SPECC1L: variants seen among roughly 807,000 people sequenced by gnomAD.
SPECC1L encodes the protein cytospin-A.
Under a neutral mutation model 116.8 loss-of-function variants are expected in SPECC1L, and 40 were observed. The observed-to-expected ratio is 0.34, with a 90% confidence interval of 0.27 to 0.45. The LOEUF (loss-of-function observed/expected upper bound fraction) is 0.45, where lower values mean the gene tolerates loss of function less well. Ranked by LOEUF, SPECC1L falls within the 20% of genes least tolerant of loss-of-function variation. The pLI, the probability that SPECC1L is intolerant of heterozygous loss-of-function variation, is 1.00. For missense variants in SPECC1L, 1,110 were observed against 1,373.6 expected (o/e 0.81, Z 3.03); for synonymous variants, 504 against 500.6 (o/e 1.01, Z -0.09).
intron 4 of SPECC1L, among the ~76,000 whole-genome samples, chr22:24,314,734 A>C (rs2040527661): frequency 6.6e-6 from 1 of 152,234 alleles, no homozygotes; most frequent in African/African-American, 2.4e-5. Flanking sequence ...TTGGAGCCTT[A>C]TGGGACAGAT....
chr22:24,386,198 C>CA (rs920465415), intron 14 of SPECC1L, among the ~76,000 whole-genome samples: 5 of 151,626 alleles, frequency 3.3e-5, no homozygotes, highest in African/African-American at 9.7e-5. Flanking sequence ...AGGGCATCTA[C>CA]AAAAAATATT....
chr22:24,389,180 G>C (rs139062655), intron 14 of SPECC1L, among the ~76,000 whole-genome samples: 2 of 147,396 alleles, frequency 1.4e-5, no homozygotes, highest in African/African-American at 5.0e-5. Flanking sequence ...CCAATGGTGC[G>C]ATCTTGGCTT....
In SPECC1L at chr22:24,328,879, A is replaced by T; in HGVS notation, c.2180A>T (p.Asp727Val). ...AAAAAACTCCAGGACCAAAAGCACGACATGGAAAGAGAAATAAAGACACTC... is the reference window on the plus strand; with the variant it reads ...AAAAAACTCCAGGACCAAAAGCACGTCATGGAAAGAGAAATAAAGACACTC... ...TVKKLQDQKH[D>V]MEREIKTLHR... is the part of the protein sequence containing the mutation. The change falls in exon 7 of 17, where the codon GAC (aspartate) becomes GTC (valine). Residue 727 changes from aspartate (D) to valine (V), a missense_variant. By Grantham distance (152) the Asp-to-Val change is radical. Around this residue, in one of 4 missense-constraint regions of SPECC1L, gnomAD observed 575 missense variants for 682.4 expected, o/e 0.84. Transcript: ENST00000314328. 1 of 1,613,884 alleles carries T rather than the reference A, an allele frequency of 6.2e-7. No homozygotes were observed. Among genetic ancestry groups the T allele is most frequent in the Non-Finnish European group, 8.5e-7 (1 of 1,179,792 alleles).
rs2040737205 is a variant in SPECC1L at position 24,322,276 on chromosome 22, T to C, written c.1296T>C (p.Asn432=). ...TACAGCAGATTACCCAGGAACTGAATAGTGAAAACGAAAGGCTTGGAGAAG... is the reference window on the plus strand; with the variant it reads ...TACAGCAGATTACCCAGGAACTGAACAGTGAAAACGAAAGGCTTGGAGAAG... ...ADLQQITQEL[N]SENERLGEEK... The change falls in exon 5 of 17, where the codon AAT becomes AAC. Residue 432 remains asparagine (N), a synonymous_variant. Transcript: ENST00000314328. The C allele has an allele frequency of 1.2e-6, 2 of 1,614,058 alleles. No individual in the cohort carries two copies. The highest frequency in any genetic ancestry group is 1.7e-6 in the Non-Finnish European group (2 of 1,180,042).
In SPECC1L at chr22:24,302,258, C is replaced by T. The variant is rs759521657; in HGVS notation, c.27C>T (p.Gly9=). The T allele has an allele frequency of 6.2e-6, 10 of 1,613,940 alleles. No homozygotes were observed. The highest frequency in any genetic ancestry group is 8.5e-6 in the Non-Finnish European group (10 of 1,180,020). Residue 9 remains glycine, a synonymous_variant, in exon 3 of 17, where the codon GGC becomes GGT. Transcript: ENST00000314328. MKKASRSV[G]SVPKVSAISK... ...TGAAGAAAGCAAGCAGGAGTGTTGGCTCAGTGCCTAAAGTGTCTGCAATAA... is the reference window on the plus strand; with the variant it reads ...TGAAGAAAGCAAGCAGGAGTGTTGGTTCAGTGCCTAAAGTGTCTGCAATAA...
At chr22:24,321,020 T>C (rs929768559) in intron 4 of SPECC1L, among the ~76,000 whole-genome samples, 1 of 152,214 alleles carries the variant, frequency 6.6e-6, no homozygotes, top group African/African-American at 2.4e-5. Context: ...TTTGTAGAAA[T>C]GTAATTCACA....
In SPECC1L at chr22:24,313,354, G is replaced by T. The variant is rs1251042326; in HGVS notation, c.195G>T (p.Gly65=). 6.2e-7 allele frequency: 1 copy of T among 1,614,074 alleles called. No individual in the cohort carries two copies. Among genetic ancestry groups the T allele is most frequent in the Non-Finnish European group, 8.5e-7 (1 of 1,180,022 alleles). Residue 65 remains glycine (G), a synonymous_variant, in exon 4 of 17, where the codon GGG becomes GGT. Coordinates refer to ENST00000314328, the MANE Select transcript of SPECC1L (RefSeq NM_015330.6). ...ACCTTTTAGCTGGAATGGCCGGAGG[G>T]GTAACGGTGACTAATGGTGTTAAAG... ...SDDLLAGMAG[G]VTVTNGVKGK...
At position 24,417,071 on chromosome 22, in the gene SPECC1L, G is replaced by C. The variant is rs976756053; in HGVS notation, c.*2448G>C. The C allele has an allele frequency of 1.3e-5, 2 of 152,458 alleles. No individual in the cohort carries two copies. The highest frequency in any genetic ancestry group is 2.9e-5 in the Non-Finnish European group (2 of 68,040). 9.4% of individuals were successfully genotyped at this position (152,458 alleles called of 1,614,324 possible). On this transcript the variant is annotated 3_prime_UTR_variant, in exon 17 of 17. Coordinates refer to ENST00000314328, the MANE Select transcript of SPECC1L (RefSeq NM_015330.6). ...CATTTGGAGATGCTCTCAGTCCTGT[G>C]GCATCTGGCACGAAGTCTCCAAGAA...
intron 6 of SPECC1L, among the ~76,000 whole-genome samples, chr22:24,326,736 G>A (rs754773437): frequency 2.6e-5 from 4 of 152,218 alleles, no homozygotes; most frequent in Admixed American, 6.5e-5. Context: ...TCAAATTAAA[G>A]AGTAAATTTT....
rs369271427 is a variant in SPECC1L, at chr22:24,321,793, G to A, written c.813G>A (p.Leu271=). The part of the protein sequence containing the change: ...KNENRMLKDR[L]NALGFSLEQR... The stretch of plus-strand genomic sequence containing the variant: ...AAAACAGAATGTTAAAGGACAGGTT[G>A]AATGCATTGGGCTTTTCCCTAGAGC... Residue 271 remains leucine, a synonymous_variant, in exon 5 of 17, where the codon TTG becomes TTA. Transcript: ENST00000314328. 1.2e-6 allele frequency: 2 copies of A among 1,614,228 alleles called. No homozygotes were observed. The highest frequency in any genetic ancestry group is 2.2e-5 in the East Asian group (1 of 44,894).
chr22:24,348,895 T>A (rs960672283), intron 11 of SPECC1L, among the ~76,000 whole-genome samples: 11 of 152,206 alleles, frequency 7.2e-5, no homozygotes, highest in Non-Finnish European at 1.0e-4. Flanking sequence ...TCAGTCCTAA[T>A]CTGATGTGAC....
At chr22:24,379,401 A>G (rs1479636993) in intron 14 of SPECC1L, among the ~76,000 whole-genome samples, 1 of 151,490 alleles carries the variant, frequency 6.6e-6, no homozygotes. Context: ...AAAAAAAAAA[A>G]TTTACTTCCT....
chr22:24,349,626 A>G (rs1242008687), intron 11 of SPECC1L, among the ~76,000 whole-genome samples: 4 of 152,162 alleles, frequency 2.6e-5, no homozygotes, highest in Non-Finnish European at 2.9e-5. Context: ...CTTGTTCTAC[A>G]TGTAATCTGC....
intron 4 of SPECC1L, 37 bp from the exon 5 acceptor site, chr22:24,321,251 A>G: frequency 6.2e-7 from 1 of 1,610,204 alleles, no homozygotes. Flanking sequence ...TTTATTGCTG[A>G]CATTTTTGCC....
chr22:24,289,782 A>G (rs114834406), intron 2 of SPECC1L, among the ~76,000 whole-genome samples: 130 of 151,720 alleles, frequency 8.6e-4, no homozygotes, highest in African/African-American at 3.1e-3. Flanking sequence ...CTCTCTAACC[A>G]AAGTTTGTTT....
At chr22:24,280,577 ATTTT>A (rs34634285) in intron 2 of SPECC1L, among the ~76,000 whole-genome samples, 2 of 128,820 alleles carry the variant, frequency 1.6e-5, no homozygotes, top group Non-Finnish European at 3.3e-5. Context: ...TTTCAATAAC[ATTTT>A]TTTTTTTTTT....
At chr22:24,346,011 G>A (rs1272375488) in intron 10 of SPECC1L, among the ~76,000 whole-genome samples, 1 of 141,670 alleles carries the variant, frequency 7.1e-6, no homozygotes, top group Non-Finnish European at 1.6e-5. Context: ...TGTTTTTTTT[G>A]TTTTTTTTTT....
chr22:24,377,089 T>A (rs931003958), intron 14 of SPECC1L, among the ~76,000 whole-genome samples: 3 of 152,196 alleles, frequency 2.0e-5, no homozygotes, highest in Non-Finnish European at 4.4e-5. Flanking sequence ...TTCCTATAAA[T>A]GGAATCACAC....
chr22:24,412,955 AG>A (rs920724904), intron 16 of SPECC1L, among the ~76,000 whole-genome samples: 14 of 152,204 alleles, frequency 9.2e-5, no homozygotes, highest in Admixed American at 7.9e-4. Context: ...AAAGGGTGGG[AG>A]GCCTGAGACC....
Sources: gnomAD v4.1 joint callset for allele counts (sites outside exome capture counted in the v4.1 genomes callset) on GRCh38, gnomAD v4.1.1 for gene constraint, gnomAD v4.1.1 regional missense constraint, MANE v1.5 for transcripts, NCBI Gene and HGNC (gene_info 2026-07-23, HGNC 2026-07-21) for gene names.